Variants in IL1RAPL1 observed in about 807,000 individuals in gnomAD.
The protein encoded by IL1RAPL1 is interleukin 1 receptor accessory protein like 1, also known as interleukin-1 receptor accessory protein-like 1.
In IL1RAPL1, 3 loss-of-function variants were observed where a neutral mutation model predicts 48.4. That is an observed-to-expected ratio of 0.06 (90% CI 0.03 to 0.16). The LOEUF (loss-of-function observed/expected upper bound fraction) is 0.16, where lower values mean the gene tolerates loss of function less well. Among genes scored for constraint, IL1RAPL1 ranks in the 10% least tolerant of loss-of-function variants. IL1RAPL1 has a pLI of 1.00. For synonymous variants in IL1RAPL1, 185 were observed against 187.7 expected (o/e 0.99, Z 0.12); for missense variants, 349 against 530.6 (o/e 0.66, Z 3.36).
intron 3 of IL1RAPL1, among the ~76,000 whole-genome samples, chrX:29,316,809 C>T (rs1439463329): frequency 1.8e-5 from 2 of 111,101 alleles, no homozygotes; most frequent in African/African-American, 3.3e-5. Flanking sequence ...TAGGGGTGTG[C>T]GATTTAACCC....
intron 6 of IL1RAPL1, among the ~76,000 whole-genome samples, chrX:29,824,499 C>G (rs764685830): frequency 6.3e-5 from 7 of 111,154 alleles, no homozygotes; most frequent in African/African-American, 1.3e-4. Flanking sequence ...AGCTTGTGTC[C>G]GAGGGTAGAA....
intron 2 of IL1RAPL1, among the ~76,000 whole-genome samples, chrX:29,023,659 A>G (rs1926420337): frequency 8.9e-6 from 1 of 112,502 alleles, no homozygotes; most frequent in African/African-American, 3.2e-5. Flanking sequence ...TGTTACTTAC[A>G]GTGGATATGA....
At chrX:28,760,947 A>G (rs183347510) in intron 1 of IL1RAPL1, among the ~76,000 whole-genome samples, 9 of 109,679 alleles carry the variant, frequency 8.2e-5, no homozygotes, top group Non-Finnish European at 1.5e-4. Flanking sequence ...TTAGCCGGGC[A>G]TGGTGGCGTG....
At chrX:29,506,873 C>T (rs1935336399) in intron 5 of IL1RAPL1, among the ~76,000 whole-genome samples, 1 of 110,768 alleles carries the variant, frequency 9.0e-6, no homozygotes, top group African/African-American at 3.3e-5. Context: ...GCCCAGAAAC[C>T]CAAGATGGTG....
At chrX:29,437,483 T>G (rs1004173102) in intron 5 of IL1RAPL1, among the ~76,000 whole-genome samples, 1 of 110,843 alleles carries the variant, frequency 9.0e-6, no homozygotes, top group Non-Finnish European at 1.9e-5. Context: ...TTTTGTCTTA[T>G]TCCTGATTTT....
intron 2 of IL1RAPL1, among the ~76,000 whole-genome samples, chrX:28,962,549 T>C (rs1569208949): frequency 9.0e-6 from 1 of 111,260 alleles, no homozygotes; most frequent in East Asian, 2.8e-4. Flanking sequence ...CAGAGAGCGC[T>C]CCTTATCCAT....
chrX:29,633,468 T>TATATACACACACAC (rs762146549), intron 5 of IL1RAPL1, among the ~76,000 whole-genome samples: 4 of 97,732 alleles, frequency 4.1e-5, no homozygotes, highest in African/African-American at 1.5e-4. Flanking sequence ...GATATATATA[T>TATATACACACACAC]ACACACACAC....
intron 2 of IL1RAPL1, among the ~76,000 whole-genome samples, chrX:29,230,365 A>G (rs1241475179): frequency 9.2e-6 from 1 of 108,352 alleles, no homozygotes; most frequent in Non-Finnish European, 1.9e-5. Flanking sequence ...TGAATTCTGT[A>G]GAAAAATGAG....
At chrX:29,676,352 A>G (rs753787736) in intron 6 of IL1RAPL1, among the ~76,000 whole-genome samples, 1 of 112,292 alleles carries the variant, frequency 8.9e-6, no homozygotes, top group African/African-American at 3.2e-5. Context: ...TTGAATGTCA[A>G]TGCTTATTTG....
intron 5 of IL1RAPL1, among the ~76,000 whole-genome samples, chrX:29,610,698 G>A (rs941136696): frequency 1.8e-5 from 2 of 112,600 alleles, no homozygotes; most frequent in Non-Finnish European, 3.8e-5. Flanking sequence ...TGACAGGGGT[G>A]TGACTCGTTT....
intron 2 of IL1RAPL1, among the ~76,000 whole-genome samples, chrX:29,278,000 A>G (rs1443915802): frequency 8.9e-6 from 1 of 111,860 alleles, no homozygotes; most frequent in African/African-American, 3.2e-5. Flanking sequence ...GGCACTCAAA[A>G]AGTTTTGAAT....
intron 2 of IL1RAPL1, among the ~76,000 whole-genome samples, chrX:29,267,542 A>C (rs955838487): frequency 5.4e-5 from 6 of 111,775 alleles, no homozygotes; most frequent in Admixed American, 1.9e-4. Context: ...CATGAGAACT[A>C]TCAAAGTATC....
chrX:28,741,096 T>G (rs1245131337), intron 1 of IL1RAPL1, among the ~76,000 whole-genome samples: 1 of 111,635 alleles, frequency 9.0e-6, no homozygotes, highest in Middle Eastern at 4.2e-3. Context: ...TAGCTCTGAG[T>G]TTTTTTGAGA....
At chrX:28,632,805 G>A (rs1453222790) in intron 1 of IL1RAPL1, among the ~76,000 whole-genome samples, 3 of 109,762 alleles carry the variant, frequency 2.7e-5, no homozygotes, top group Non-Finnish European at 3.8e-5. Flanking sequence ...TATACAAGCT[G>A]CTGAATTTGC....
chrX:29,246,111 G>A (rs868573198), intron 2 of IL1RAPL1, among the ~76,000 whole-genome samples: 1 of 67,653 alleles, frequency 1.5e-5, no homozygotes, highest in Non-Finnish European at 3.5e-5. Context: ...GATACAAGAT[G>A]CAAGTCAAGA....
intron 5 of IL1RAPL1, among the ~76,000 whole-genome samples, chrX:29,542,676 G>T (rs1053114473): frequency 9.0e-6 from 1 of 111,701 alleles, no homozygotes; most frequent in African/African-American, 3.3e-5. Context: ...AATTCCCTGT[G>T]TGCAGTAACA....
rs142567237 is a variant in IL1RAPL1, at chrX:29,347,657, T to A, written c.363-48601T>A. On this transcript the variant is annotated intron_variant, in intron 3 of 10. Coordinates refer to ENST00000378993, the MANE Select transcript of IL1RAPL1 (RefSeq NM_014271.4). ...CTCCCACCTTAGCTTCCCAAAGTGT[T>A]GGGATTACAGATGTGAGCTACCATG... Among the ~76,000 whole-genome samples, 742 of 111,298 alleles carry A rather than the reference T, an allele frequency of 6.7e-3. 7 individuals are homozygous for A. The highest frequency in any genetic ancestry group is 0.023 in the African/African-American group (699 of 30,615).
chrX:29,590,268 G>A (rs886478914), intron 5 of IL1RAPL1, among the ~76,000 whole-genome samples: 1 of 111,688 alleles, frequency 9.0e-6, no homozygotes, highest in Non-Finnish European at 1.9e-5. Context: ...CATGATATTT[G>A]GGTGGGGAGA....
At chrX:29,350,399 G>T in intron 3 of IL1RAPL1, among the ~76,000 whole-genome samples, 1 of 102,675 alleles carries the variant, frequency 9.7e-6, no homozygotes, top group African/African-American at 3.7e-5. Flanking sequence ...ACATCGTTTT[G>T]TTCAATGTTG....
Sources: gnomAD v4.1 joint callset for allele counts (sites outside exome capture counted in the v4.1 genomes callset) on GRCh38, gnomAD v4.1.1 for gene constraint, MANE v1.5 for transcripts, NCBI Gene and HGNC (gene_info 2026-07-23, HGNC 2026-07-21) for gene names.